Variants in DAB1 observed in about 807,000 individuals in gnomAD.
DAB1 encodes the protein DAB adaptor protein 1, also known as disabled homolog 1.
DAB1 carries 15 observed loss-of-function variants against 64.6 expected under a neutral mutation model. The observed-to-expected ratio is 0.23, with a 90% CI of 0.16 to 0.36. The LOEUF (loss-of-function observed/expected upper bound fraction) is 0.36. DAB1 is among the 10% of genes least tolerant of loss of function. The probability of loss-of-function intolerance (pLI) is 1.00; values close to 1 mark genes in which losing one functional copy is unlikely to be tolerated. For synonymous variants in DAB1, 235 were observed against 251.9 expected, an observed-to-expected ratio of 0.93 and a Z score of 0.64; for missense variants, 596 against 706.7, an observed-to-expected ratio of 0.84 and a Z score of 1.78.
chr1:57,106,677 G>A (rs576158349), intron 4 of DAB1, among the ~76,000 whole-genome samples: 16 of 152,282 alleles, frequency 1.1e-4, no homozygotes, highest in East Asian at 1.9e-4. Flanking sequence ...TGATCCAACC[G>A]TAGGAAAAGG....
intron 4 of DAB1, among the ~76,000 whole-genome samples, chr1:58,159,740 T>C (rs1473769580): frequency 6.6e-6 from 1 of 152,212 alleles, no homozygotes; most frequent in Non-Finnish European, 1.5e-5. Flanking sequence ...ATTAGAACCC[T>C]GATTCTTTCC....
intron 1 of DAB1, among the ~76,000 whole-genome samples, chr1:57,330,263 A>C (rs565310954): frequency 6.6e-6 from 1 of 152,172 alleles, no homozygotes; most frequent in Admixed American, 6.5e-5. Context: ...AAATAAATAA[A>C]TAACTCCAGG....
chr1:58,167,154 T>A (rs1299829512), intron 4 of DAB1, among the ~76,000 whole-genome samples: 9 of 152,166 alleles, frequency 5.9e-5, no homozygotes. Flanking sequence ...TTTCTGTATA[T>A]CCTAATGAGA....
chr1:58,408,293 C>T lies in DAB1; in HGVS notation n.258-64890G>A, dbSNP rs187621505. 3.9e-5 allele frequency among the ~76,000 whole-genome samples: 6 copies of T among 152,328 alleles called. No individual in the cohort carries two copies. The East Asian group carries it at 9.6e-4, about 24-fold the overall frequency. ...CCCCAGATCTTCAGGTGATGAAATC[C>T]TCATTCAAGTCTCAACTCAGTTGAT... is the stretch of plus-strand genomic sequence containing the variant. On this transcript the variant is annotated intron_variant and non_coding_transcript_variant, in intron 3 of 20. Transcript: ENST00000485760.
At chr1:57,191,015 C>A (rs932246566) in intron 2 of DAB1, among the ~76,000 whole-genome samples, 2 of 152,138 alleles carry the variant, frequency 1.3e-5, no homozygotes, top group Non-Finnish European at 2.9e-5. Context: ...AAAAACCCAG[C>A]TATTAATGTC....
At chr1:57,523,177 C>A (rs1446091791) in intron 7 of DAB1, among the ~76,000 whole-genome samples, 4 of 152,256 alleles carry the variant, frequency 2.6e-5, no homozygotes, top group African/African-American at 9.6e-5. Context: ...GACGAATACA[C>A]CCCCCTTCCC....
intron 7 of DAB1, among the ~76,000 whole-genome samples, chr1:57,628,671 A>G (rs1281087878): frequency 6.6e-6 from 1 of 152,204 alleles, no homozygotes; most frequent in African/African-American, 2.4e-5. Context: ...TGTACCAGTC[A>G]TTCAAAAAAT....
chr1:57,869,012 A>C (rs1386744253), intron 1 of DAB1, among the ~76,000 whole-genome samples: 1 of 152,126 alleles, frequency 6.6e-6, no homozygotes, highest in Non-Finnish European at 1.5e-5. Flanking sequence ...AATAAATCTC[A>C]GTATCTCCTG....
intron 1 of DAB1, among the ~76,000 whole-genome samples, chr1:57,858,200 A>AC (rs1653846904): frequency 6.6e-6 from 1 of 151,932 alleles, no homozygotes. Flanking sequence ...TTGGAAGGGT[A>AC]TTTTTTTTAG....
At chr1:57,371,990 GT>G (rs1456546974) in intron 1 of DAB1, among the ~76,000 whole-genome samples, 3 of 152,192 alleles carry the variant, frequency 2.0e-5, no homozygotes, top group Non-Finnish European at 1.5e-5. Flanking sequence ...CTTAAGGTAT[GT>G]TTGACTATTT....
At chr1:57,664,029 C>A (rs1646417847) in intron 6 of DAB1, among the ~76,000 whole-genome samples, 1 of 152,186 alleles carries the variant, frequency 6.6e-6, no homozygotes, top group Admixed American at 6.5e-5. Context: ...GATCTCAGTT[C>A]TGCAACTTCA....
At chr1:58,120,436 A>AG (rs889468652) in intron 5 of DAB1, among the ~76,000 whole-genome samples, 2 of 152,148 alleles carry the variant, frequency 1.3e-5, no homozygotes, top group African/African-American at 2.4e-5. Flanking sequence ...ATTCTCAGTT[A>AG]GGGGACCTTA....
chr1:57,290,498 G>A (rs1195391356), intron 2 of DAB1, among the ~76,000 whole-genome samples: 2 of 152,174 alleles, frequency 1.3e-5, no homozygotes, highest in Non-Finnish European at 2.9e-5. Flanking sequence ...TGGTACAGGC[G>A]ATGATGAACT....
intron 2 of DAB1, among the ~76,000 whole-genome samples, chr1:57,199,756 G>A (rs1425046060): frequency 6.6e-6 from 1 of 152,200 alleles, no homozygotes; most frequent in Non-Finnish European, 1.5e-5. Context: ...CTGTGACCTT[G>A]AGTCAATCAT....
At chr1:57,641,776 T>A (rs1307251097) in intron 7 of DAB1, among the ~76,000 whole-genome samples, 1 of 152,170 alleles carries the variant, frequency 6.6e-6, no homozygotes, top group African/African-American at 2.4e-5. Flanking sequence ...GCTATTCAAA[T>A]CTTTTCCTTT....
intron 1 of DAB1, among the ~76,000 whole-genome samples, chr1:57,299,434 G>A (rs963687786): frequency 1.3e-5 from 2 of 152,168 alleles, no homozygotes; most frequent in African/African-American, 4.8e-5. Context: ...ATGTGTTTCT[G>A]TAATCAAACT....
At chr1:57,692,558 G>C (rs1048154590) in intron 6 of DAB1, among the ~76,000 whole-genome samples, 4 of 152,084 alleles carry the variant, frequency 2.6e-5, no homozygotes, top group Non-Finnish European at 5.9e-5. Flanking sequence ...AAGAGAAAGA[G>C]AGATGGAAAT....
At chr1:57,630,576 C>G (rs537365526) in intron 7 of DAB1, among the ~76,000 whole-genome samples, 1 of 152,216 alleles carries the variant, frequency 6.6e-6, no homozygotes, top group South Asian at 2.1e-4. Flanking sequence ...GAACTGAGTT[C>G]AAATCTTAAT....
intron 3 of DAB1, among the ~76,000 whole-genome samples, chr1:57,144,068 A>C (rs1258317241): frequency 6.6e-6 from 1 of 151,806 alleles, no homozygotes; most frequent in African/African-American, 2.4e-5. Flanking sequence ...ATATATGTAA[A>C]ACCACAAAAA....
Sources: gnomAD v4.1 joint callset for allele counts (sites outside exome capture counted in the v4.1 genomes callset) on GRCh38, gnomAD v4.1.1 for gene constraint, MANE v1.5 for transcripts, NCBI Gene and HGNC (gene_info 2026-07-23, HGNC 2026-07-21) for gene names.